Variants in CD2AP observed in about 807,000 individuals in gnomAD.
CD2AP encodes CD2 associated protein.
CD2AP carries 46 observed loss-of-function variants against 85.1 expected under a neutral mutation model. The observed-to-expected ratio is 0.54, with a 90% CI of 0.43 to 0.69. CD2AP has a LOEUF of 0.69. CD2AP is among the 30% of genes least tolerant of loss of function. The pLI is 0.00. For missense variants in CD2AP, 769 were observed against 729.5 expected (o/e 1.05, Z -0.62); for synonymous variants, 255 against 252.9 (o/e 1.01, Z -0.08).
chr6:47,509,398 G>T (rs9395265), intron 2 of CD2AP, among the ~76,000 whole-genome samples: 47,340 of 151,584 alleles, frequency 0.31, 8,522 homozygotes, highest in Middle Eastern at 0.52. Flanking sequence ...TGGCATTGAT[G>T]GGCTTGCTTG....
chr6:47,610,765 C>T (rs1395625520), intron 16 of CD2AP, among the ~76,000 whole-genome samples: 1 of 151,368 alleles, frequency 6.6e-6, no homozygotes, highest in Non-Finnish European at 1.5e-5. Context: ...GCAACATGCA[C>T]ATTATAAGCT....
chr6:47,534,966 G>T (rs1447858446), intron 3 of CD2AP, among the ~76,000 whole-genome samples: 3 of 151,986 alleles, frequency 2.0e-5, no homozygotes, highest in African/African-American at 7.2e-5. Flanking sequence ...GCTAATTTTT[G>T]TATTTTTCTT....
chr6:47,544,013 A>G (rs1445419023), intron 3 of CD2AP, among the ~76,000 whole-genome samples: 1 of 152,216 alleles, frequency 6.6e-6, no homozygotes, highest in Non-Finnish European at 1.5e-5. Flanking sequence ...TAGAGCTTGA[A>G]AAAGGTTGAG....
intron 11 of CD2AP, among the ~76,000 whole-genome samples, chr6:47,591,976 C>G (rs1279359458): frequency 6.6e-6 from 1 of 151,980 alleles, no homozygotes; most frequent in East Asian, 1.9e-4. Context: ...AGGTACATGT[C>G]ACCATAACTG....
At chr6:47,482,677 G>C (rs1765474712) in intron 1 of CD2AP, among the ~76,000 whole-genome samples, 1 of 152,018 alleles carries the variant, frequency 6.6e-6, no homozygotes, top group African/African-American at 2.4e-5. Flanking sequence ...CTTGCCCAGC[G>C]TGTATCTTTC....
intron 3 of CD2AP, among the ~76,000 whole-genome samples, chr6:47,543,107 C>T (rs1337397418): frequency 2.9e-4 from 38 of 130,040 alleles, no homozygotes; most frequent in Admixed American, 2.5e-3. Context: ...GCTGAGATTG[C>T]GCCACCGCAC....
At chr6:47,545,510 T>C (rs1319482889) in intron 4 of CD2AP, among the ~76,000 whole-genome samples, 1 of 152,094 alleles carries the variant, frequency 6.6e-6, no homozygotes, top group African/African-American at 2.4e-5. Context: ...GCTGATGCTC[T>C]CTTGAAAGTG....
chr6:47,545,966 A>G (rs1189459646), intron 4 of CD2AP, among the ~76,000 whole-genome samples: 1 of 152,126 alleles, frequency 6.6e-6, no homozygotes, highest in Admixed American at 6.5e-5. Context: ...TTCCCCAAAA[A>G]TCACACTAGC....
At chr6:47,608,739 A>G (rs575506129) in intron 15 of CD2AP, among the ~76,000 whole-genome samples, 52 of 152,314 alleles carry the variant, frequency 3.4e-4, no homozygotes, top group African/African-American at 1.1e-3. Context: ...ATTGTTCACA[A>G]TTACTTTTAA....
chr6:47,608,756 C>T (rs1287464184), intron 15 of CD2AP, among the ~76,000 whole-genome samples: 3 of 152,130 alleles, frequency 2.0e-5, no homozygotes, highest in African/African-American at 7.2e-5. Context: ...TTAAGTGAAG[C>T]TCTTTGGACA....
chr6:47,599,422 G>A lies in CD2AP; in HGVS notation c.1396G>A (p.Val466Ile), dbSNP rs150046838. 2.1e-5 allele frequency: 34 copies of A among 1,612,064 alleles called. No individual in the cohort carries two copies. In the African/African-American group the frequency reaches 2.9e-4, roughly 14 times the overall value. The change falls in exon 13 of 18, where the codon GTA becomes ATA. Residue 466 changes from valine to isoleucine, a missense_variant. By Grantham distance (29) the Val-to-Ile change is conservative (BLOSUM62 3). Coordinates refer to ENST00000359314, the MANE Select transcript of CD2AP (RefSeq NM_012120.3). ...ATCAGTAGACTTTGATTCACTTACA[G>A]TAAGGACCTCCAAAGAAACAGGTAA... ...PKSVDFDSLTVRTSKETDVVN... is the reference protein window; with the variant it reads ...PKSVDFDSLTIRTSKETDVVN...
chr6:47,604,042 T>A (rs1394272557), intron 13 of CD2AP, among the ~76,000 whole-genome samples: 2 of 152,122 alleles, frequency 1.3e-5, no homozygotes, highest in African/African-American at 2.4e-5. Flanking sequence ...TAATATTTTT[T>A]AAGAAAATTG....
intron 17 of CD2AP, among the ~76,000 whole-genome samples, chr6:47,617,543 TTGA>T (rs1279438424): frequency 6.6e-6 from 1 of 152,218 alleles, no homozygotes; most frequent in Non-Finnish European, 1.5e-5. Context: ...CCTGTTGCTG[TTGA>T]TAATTTCTGT....
intron 1 of CD2AP, among the ~76,000 whole-genome samples, chr6:47,480,601 TA>T (rs1384702315): frequency 2.0e-5 from 3 of 152,320 alleles, no homozygotes; most frequent in Admixed American, 2.0e-4. Context: ...ATAAATGGAA[TA>T]AAATATCAAC....
intron 3 of CD2AP, among the ~76,000 whole-genome samples, chr6:47,541,272 C>T (rs1767208093): frequency 6.6e-6 from 1 of 152,114 alleles, no homozygotes; most frequent in Non-Finnish European, 1.5e-5. Context: ...TACAGGCACC[C>T]ACCACCACGC....
At chr6:47,562,454 C>T (rs1177664784) in intron 5 of CD2AP, among the ~76,000 whole-genome samples, 1 of 152,060 alleles carries the variant, frequency 6.6e-6, no homozygotes, top group East Asian at 1.9e-4. Context: ...GGTATAATAC[C>T]AGACTTTTGG....
rs1479462596 is a variant in CD2AP, at chr6:47,580,888, G to A, written c.1033G>A (p.Ala345Thr). The change falls in exon 10 of 18, where the codon GCT becomes ACT. Residue 345 changes from alanine (A) to threonine (T), a missense_variant. Coordinates refer to ENST00000359314, the MANE Select transcript of CD2AP (RefSeq NM_012120.3). ...FPKPKKPPPP[A>T]KAPAPKPELI... ...GAAACCAAAGAAACCACCACCTCCTGCTAAGGCTCCAGGTATGTAAGAAGC... is the reference window on the plus strand; with the variant it reads ...GAAACCAAAGAAACCACCACCTCCTACTAAGGCTCCAGGTATGTAAGAAGC... 26 of 1,607,884 alleles carry A rather than the reference G, an allele frequency of 1.6e-5. No individual in the cohort carries two copies. In the Admixed American group the frequency reaches 4.0e-4, roughly 25 times the overall value.
intron 2 of CD2AP, among the ~76,000 whole-genome samples, chr6:47,507,182 A>C (rs1165024504): frequency 6.6e-6 from 1 of 152,198 alleles, no homozygotes; most frequent in Admixed American, 6.5e-5. Context: ...GCAATAATTC[A>C]GTCACATCTT....
chr6:47,605,903 A>G (rs930614563), intron 13 of CD2AP, among the ~76,000 whole-genome samples: 1 of 151,940 alleles, frequency 6.6e-6, no homozygotes, highest in Non-Finnish European at 1.5e-5. Flanking sequence ...GTTGAGATCT[A>G]GGTCTCTATT....
Sources: gnomAD v4.1 joint callset for allele counts (sites outside exome capture counted in the v4.1 genomes callset) on GRCh38, gnomAD v4.1.1 for gene constraint, MANE v1.5 for transcripts, NCBI Gene and HGNC (gene_info 2026-07-23, HGNC 2026-07-21) for gene names.